The following PAPPA2 variants were observed in gnomAD, a reference collection of about 807,000 sequenced individuals.
The protein encoded by PAPPA2 is pappalysin-2.
A neutral mutation model predicts 176.4 loss-of-function variants in PAPPA2; 86 were observed. The ratio of observed to expected loss-of-function variants is 0.49; its 90% CI spans 0.41 to 0.58. The LOEUF is 0.58. Ranked by LOEUF, PAPPA2 falls within the 20% of genes least tolerant of loss-of-function variation. The pLI, the probability that PAPPA2 is intolerant of heterozygous loss-of-function variation, is 0.00. For synonymous variants in PAPPA2, 809 were observed against 852.2 expected (o/e 0.95, Z 0.88); for missense variants, 2,073 against 2,256.9 (o/e 0.92, Z 1.65).
chr1:176,802,320 G>A lies in PAPPA2; in HGVS notation c.5202+2188G>A, dbSNP rs562512394. Among the ~76,000 whole-genome samples, 3 of 152,218 alleles carry A rather than the reference G, an allele frequency of 2.0e-5. No individual in the cohort carries two copies. In the East Asian group the frequency reaches 5.8e-4, roughly 29 times the overall value. ...GGGGAACTGGACAGGAGAGGAGAAG[G>A]AGAAACAACTCTGAAGAAATAAGTA... On this transcript the variant is annotated intron_variant, in intron 21 of 22. Coordinates refer to ENST00000367662, the MANE Select transcript of PAPPA2 (RefSeq NM_020318.3).
intron 19 of PAPPA2, among the ~76,000 whole-genome samples, chr1:176,793,225 A>C (rs1473846892): frequency 6.6e-6 from 1 of 152,092 alleles, no homozygotes; most frequent in Non-Finnish European, 1.5e-5. Context: ...CCTGGAGGGG[A>C]TCTTGGAGGC....
intron 14 of PAPPA2, among the ~76,000 whole-genome samples, chr1:176,763,080 G>A (rs2102902625): frequency 6.6e-6 from 1 of 152,276 alleles, no homozygotes; most frequent in African/African-American, 2.4e-5. Flanking sequence ...TTTAAGTCAA[G>A]TCTCAATTAT....
intron 1 of PAPPA2, among the ~76,000 whole-genome samples, chr1:176,483,861 A>G (rs1295377341): frequency 6.6e-6 from 1 of 152,042 alleles, no homozygotes; most frequent in African/African-American, 2.4e-5. Flanking sequence ...AGAAGCTGCA[A>G]CTCGTCCACA....
chr1:176,609,929 A>G (rs1654817416), intron 3 of PAPPA2, among the ~76,000 whole-genome samples: 1 of 152,216 alleles, frequency 6.6e-6, no homozygotes, highest in South Asian at 2.1e-4. Context: ...TCAAGAAGAC[A>G]TTAAGGTGAT....
chr1:176,721,682 C>A (rs1252896276), intron 12 of PAPPA2, among the ~76,000 whole-genome samples: 1 of 152,096 alleles, frequency 6.6e-6, no homozygotes, highest in Non-Finnish European at 1.5e-5. Flanking sequence ...TTCCCTGGTG[C>A]TTTTAATATA....
intron 4 of PAPPA2, 51 bp from the exon 5 acceptor site, chr1:176,690,086 G>T: frequency 6.9e-7 from 1 of 1,439,066 alleles, no homozygotes. Flanking sequence ...TTAAGGATTG[G>T]AGAGCTATTC....
intron 12 of PAPPA2, among the ~76,000 whole-genome samples, chr1:176,730,697 G>T (rs1169681332): frequency 6.7e-6 from 1 of 149,540 alleles, no homozygotes; most frequent in Non-Finnish European, 1.5e-5. Flanking sequence ...TCTAGGTTTT[G>T]GTGTTGAAAT....
rs1348047255 is a variant in PAPPA2, at chr1:176,681,440, A to G, written c.2138-8697A>G. Among the ~76,000 whole-genome samples the G allele has an allele frequency of 4.6e-5, 7 of 152,202 alleles. No individual in the cohort carries two copies. In the East Asian group the frequency reaches 1.3e-3, roughly 29 times the overall value. On this transcript the variant is annotated intron_variant, in intron 4 of 22. Coordinates refer to ENST00000367662, the MANE Select transcript of PAPPA2 (RefSeq NM_020318.3). ...ACATAAGGGATCTTCAGATGAGTCC[A>G]GATGAAGTGATTCTTGACTGGGGGA...
intron 21 of PAPPA2, among the ~76,000 whole-genome samples, chr1:176,839,507 C>T (rs1667400448): frequency 6.6e-6 from 1 of 151,986 alleles, no homozygotes; most frequent in Non-Finnish European, 1.5e-5. Flanking sequence ...GTTGGCTGTA[C>T]CTGTGGGAAT....
intron 1 of PAPPA2, among the ~76,000 whole-genome samples, chr1:176,543,706 GT>G (rs1456232557): frequency 2.6e-5 from 4 of 152,184 alleles, no homozygotes; most frequent in African/African-American, 9.7e-5. Context: ...CAAATTGTCT[GT>G]CAGGGATTCT....
rs572684338 is a variant in PAPPA2 at position 176,766,674 on chromosome 1, T to G, written c.4323+837T>G. Reference sequence around the variant, plus strand: ...TCAGTATTATGAGCATGATCATGTATTCTCAACTAAGAATTCTGTTTTCCA... The same window carrying G: ...TCAGTATTATGAGCATGATCATGTAGTCTCAACTAAGAATTCTGTTTTCCA... On this transcript the variant is annotated intron_variant, in intron 15 of 22. Coordinates refer to ENST00000367662, the MANE Select transcript of PAPPA2 (RefSeq NM_020318.3). Among the ~76,000 whole-genome samples the G allele has an allele frequency of 2.6e-5, 4 of 152,362 alleles. No homozygotes were observed. In the South Asian group the frequency reaches 8.3e-4, roughly 32 times the overall value.
chr1:176,694,978 C>G (rs1000004999), intron 6 of PAPPA2, among the ~76,000 whole-genome samples: 1 of 152,138 alleles, frequency 6.6e-6, no homozygotes, highest in Non-Finnish European at 1.5e-5. Context: ...AGGAGAGAGG[C>G]TAAGTGCTAC....
chr1:176,549,561 T>C (rs1650822798), intron 1 of PAPPA2, among the ~76,000 whole-genome samples: 1 of 152,306 alleles, frequency 6.6e-6, no homozygotes, highest in African/African-American at 2.4e-5. Context: ...AGGGGCATAA[T>C]TGTTTATTTG....
intron 1 of PAPPA2, among the ~76,000 whole-genome samples, chr1:176,465,755 C>T (rs1426493595): frequency 6.6e-6 from 1 of 151,482 alleles, no homozygotes; most frequent in Admixed American, 6.6e-5. Context: ...GGTATTAAGC[C>T]TAGTACCCAT....
At chr1:176,661,432 G>C (rs1039814939) in intron 3 of PAPPA2, among the ~76,000 whole-genome samples, 2 of 151,440 alleles carry the variant, frequency 1.3e-5, no homozygotes, top group African/African-American at 4.9e-5. Flanking sequence ...AGGGAGGTGG[G>C]AATTCTGAAG....
At chr1:176,508,940 TACTC>T (rs907889558) in intron 1 of PAPPA2, among the ~76,000 whole-genome samples, 1 of 152,060 alleles carries the variant, frequency 6.6e-6, no homozygotes, top group Non-Finnish European at 1.5e-5. Context: ...AAAAATAAAT[TACTC>T]AGTCTCAGGT....
In PAPPA2 at chr1:176,842,339, C is replaced by T. The variant is rs371119319; in HGVS notation, c.5302-41C>T. The T allele has an allele frequency of 4.9e-5, 75 of 1,540,534 alleles. No homozygotes were observed. The Middle Eastern group carries it at 6.8e-4, about 14-fold the overall frequency. ...AGCTCGTTTAAAAGTGTGAAGCTAT[C>T]ACAGAAATGAGCTATTTCTACTTCC... On this transcript the variant is annotated intron_variant, in intron 22 of 22. Coordinates refer to ENST00000367662, the MANE Select transcript of PAPPA2 (RefSeq NM_020318.3).
At chr1:176,682,511 A>G (rs190320813) in intron 4 of PAPPA2, among the ~76,000 whole-genome samples, 4 of 152,354 alleles carry the variant, frequency 2.6e-5, no homozygotes, top group Admixed American at 6.5e-5. Context: ...TTATGGGTAC[A>G]TAATAGTTGT....
At chr1:176,779,770 C>T (rs1664633740) in intron 17 of PAPPA2, among the ~76,000 whole-genome samples, 1 of 152,086 alleles carries the variant, frequency 6.6e-6, no homozygotes, top group Non-Finnish European at 1.5e-5. Flanking sequence ...TATTAAGCAC[C>T]AAGGCTAGAG....
Sources: allele counts gnomAD v4.1 joint callset (sites outside exome capture counted in the v4.1 genomes callset), GRCh38; gene constraint gnomAD v4.1.1; transcripts MANE v1.5; gene names NCBI Gene and HGNC (gene_info 2026-07-23, HGNC 2026-07-21).